CADM2: variants seen among roughly 807,000 people sequenced by gnomAD.
CADM2 encodes the protein cell adhesion molecule 2.
CADM2 carries 12 observed loss-of-function variants against 49.8 expected under a neutral mutation model. The ratio of observed to expected loss-of-function variants is 0.24; its 90% CI spans 0.15 to 0.39. The LOEUF (loss-of-function observed/expected upper bound fraction) is 0.39. Ranked by LOEUF, CADM2 falls within the 10% of genes least tolerant of loss-of-function variation. The pLI, the probability that CADM2 is intolerant of heterozygous loss-of-function variation, is 1.00. For synonymous variants in CADM2, 214 were observed against 175.4 expected, an observed-to-expected ratio of 1.22 and a Z score of -1.74; for missense variants, 378 against 492.3, an observed-to-expected ratio of 0.77 and a Z score of 2.20.
At chr3:84,994,098 A>G (rs549860765) in intron 1 of CADM2, among the ~76,000 whole-genome samples, 87 of 152,190 alleles carry the variant, frequency 5.7e-4, no homozygotes, top group African/African-American at 2.0e-3. Context: ...TTTTGTGCTC[A>G]GATAATTCAA....
chr3:85,397,090 G>C (rs1297211236), intron 1 of CADM2, among the ~76,000 whole-genome samples: 1 of 151,772 alleles, frequency 6.6e-6, no homozygotes, highest in Non-Finnish European at 1.5e-5. Flanking sequence ...TTCAAAAATG[G>C]GAAAAAGACT....
intron 7 of CADM2, among the ~76,000 whole-genome samples, chr3:85,948,832 G>A (rs1190818975): frequency 1.3e-5 from 2 of 151,540 alleles, no homozygotes; most frequent in Admixed American, 6.6e-5. Flanking sequence ...CTCAGTGATT[G>A]AGGAGGGCTC....
intron 1 of CADM2, among the ~76,000 whole-genome samples, chr3:85,690,156 T>C (rs2066338965): frequency 6.6e-6 from 1 of 152,146 alleles, no homozygotes; most frequent in African/African-American, 2.4e-5. Context: ...AAATTAGTGA[T>C]AGAATCAGCA....
chr3:85,105,958 G>A (rs546710455), intron 1 of CADM2, among the ~76,000 whole-genome samples: 70 of 152,000 alleles, frequency 4.6e-4, no homozygotes, highest in Admixed American at 3.2e-3. Context: ...GTGGGGGGAC[G>A]GGGGAAGGAT....
chr3:85,964,423 T>G (rs761675061), intron 8 of CADM2, among the ~76,000 whole-genome samples: 21 of 149,986 alleles, frequency 1.4e-4, no homozygotes, highest in Non-Finnish European at 7.4e-5. Flanking sequence ...ACTATCTGGA[T>G]GCCGTCATAA....
chr3:85,790,563 A>T (rs1186686696), intron 2 of CADM2, among the ~76,000 whole-genome samples: 2 of 152,182 alleles, frequency 1.3e-5, no homozygotes, highest in Non-Finnish European at 2.9e-5. Flanking sequence ...TTTGTCATGG[A>T]TCAGAAGCCA....
chr3:85,301,370 G>C (rs2044097124), intron 1 of CADM2, among the ~76,000 whole-genome samples: 1 of 152,006 alleles, frequency 6.6e-6, no homozygotes, highest in Admixed American at 6.6e-5. Context: ...CTCGGGATGT[G>C]GAAAAGGGAG....
chr3:85,647,077 C>T (rs1013317174), intron 1 of CADM2, among the ~76,000 whole-genome samples: 1 of 151,810 alleles, frequency 6.6e-6, no homozygotes, highest in African/African-American at 2.4e-5. Context: ...TTGGTCTCAT[C>T]GTCTATAATG....
chr3:85,054,552 A>T (rs868311523), intron 1 of CADM2, among the ~76,000 whole-genome samples: 3 of 152,036 alleles, frequency 2.0e-5, no homozygotes, highest in Middle Eastern at 3.4e-3. Flanking sequence ...GGCATGGATT[A>T]AAGAGGGAAA....
Position 86,054,884 on chromosome 3 carries a change from G to C in CADM2, c.971-10721G>C, listed in dbSNP as rs567401877. Among the ~76,000 whole-genome samples the C allele has an allele frequency of 2.6e-5, 4 of 152,130 alleles. No individual in the cohort carries two copies. The South Asian group carries it at 8.3e-4, about 32-fold the overall frequency. ...GGATATATGGCAATGTCATATTGAAGTCATTTATTTTTTTTCTTAATGGTT... is the reference window on the plus strand; with the variant it reads ...GGATATATGGCAATGTCATATTGAACTCATTTATTTTTTTTCTTAATGGTT... On this transcript the variant is annotated intron_variant, in intron 8 of 9. Transcript: ENST00000383699.
intron 1 of CADM2, among the ~76,000 whole-genome samples, chr3:85,150,569 G>A (rs1004774629): frequency 1.3e-5 from 2 of 152,096 alleles, no homozygotes; most frequent in South Asian, 2.1e-4. Flanking sequence ...TCCTGAGTTA[G>A]CATTTTAAAT....
chr3:85,828,124 A>C (rs2074009120), intron 3 of CADM2: 1 of 151,988 alleles, frequency 6.6e-6, no homozygotes, highest in African/African-American at 2.4e-5. Context: ...CAAGAAGAGG[A>C]AAATTGAGGT....
intron 1 of CADM2, among the ~76,000 whole-genome samples, chr3:85,219,873 T>C (rs891301988): frequency 2.0e-5 from 3 of 152,162 alleles, no homozygotes; most frequent in Non-Finnish European, 4.4e-5. Flanking sequence ...GATATTTTCA[T>C]AATACAACTG....
intron 1 of CADM2, among the ~76,000 whole-genome samples, chr3:85,010,898 C>T (rs1255632393): frequency 3.6e-5 from 3 of 83,160 alleles, no homozygotes; most frequent in Non-Finnish European, 6.2e-5. Context: ...GAGTCTTGCT[C>T]TGTCTCCCAG....
At chr3:85,400,045 T>C (rs2035018576) in intron 1 of CADM2, among the ~76,000 whole-genome samples, 1 of 152,188 alleles carries the variant, frequency 6.6e-6, no homozygotes, top group East Asian at 1.9e-4. Context: ...AAGGCAATGC[T>C]TCCATTTTTT....
intron 1 of CADM2, among the ~76,000 whole-genome samples, chr3:85,417,422 T>C (rs1034895953): frequency 2.0e-5 from 3 of 152,174 alleles, no homozygotes; most frequent in African/African-American, 7.2e-5. Context: ...TACTTGGCTC[T>C]TCTTTGGGAT....
chr3:85,636,027 A>T (rs1257699212), intron 1 of CADM2, among the ~76,000 whole-genome samples: 1 of 152,352 alleles, frequency 6.6e-6, no homozygotes, highest in Non-Finnish European at 1.5e-5. Flanking sequence ...CTTGACAATG[A>T]TAATACAAGG....
At chr3:85,940,212 G>C (rs372592954) in intron 7 of CADM2, among the ~76,000 whole-genome samples, 1 of 148,296 alleles carries the variant, frequency 6.7e-6, no homozygotes, top group African/African-American at 2.5e-5. Context: ...GGTGGTGGGC[G>C]CCTGTAATCC....
intron 1 of CADM2, among the ~76,000 whole-genome samples, chr3:85,209,959 A>G (rs1031887765): frequency 3.3e-5 from 5 of 152,228 alleles, no homozygotes; most frequent in African/African-American, 9.6e-5. Context: ...TTGATGATTT[A>G]AATACATTTA....
Sources: allele counts gnomAD v4.1 joint callset (sites outside exome capture counted in the v4.1 genomes callset), GRCh38; gene constraint gnomAD v4.1.1; transcripts MANE v1.5; gene names NCBI Gene and HGNC (gene_info 2026-07-23, HGNC 2026-07-21).